The following UBL3 variants were observed in gnomAD, a reference collection of about 807,000 sequenced individuals.
UBL3 encodes the protein ubiquitin-like protein 3.
In UBL3, 6 loss-of-function variants were observed where a neutral mutation model predicts 18.4. The ratio of observed to expected loss-of-function variants is 0.33; its 90% CI spans 0.18 to 0.64. The LOEUF (loss-of-function observed/expected upper bound fraction) is 0.64, where lower values mean the gene tolerates loss of function less well. Ranked by LOEUF, UBL3 falls within the 30% of genes least tolerant of loss-of-function variation. UBL3 has a pLI of 0.76. For missense variants in UBL3, 109 were observed against 142.9 expected (o/e 0.76, Z 1.21); for synonymous variants, 49 against 46.6 (o/e 1.05, Z -0.21).
intron 3 of UBL3, among the ~76,000 whole-genome samples, chr13:29,769,752 T>C (rs1876789497): frequency 1.3e-5 from 2 of 152,112 alleles, no homozygotes; most frequent in African/African-American, 4.8e-5. Context: ...TATATGGCTA[T>C]AAAGGTTCTA....
At chr13:29,768,121 G>A (rs1488280690) in intron 3 of UBL3, among the ~76,000 whole-genome samples, 1 of 152,000 alleles carries the variant, frequency 6.6e-6, no homozygotes, top group Non-Finnish European at 1.5e-5. Flanking sequence ...AGGCTACTAT[G>A]ATGTAGAAAT....
intron 1 of UBL3, among the ~76,000 whole-genome samples, chr13:29,818,906 T>C (rs1265752049): frequency 1.3e-5 from 2 of 152,234 alleles, no homozygotes; most frequent in African/African-American, 4.8e-5. Context: ...CTTTACATGC[T>C]TTATATCTGT....
intron 1 of UBL3, among the ~76,000 whole-genome samples, chr13:29,790,769 T>TA (rs5802531): frequency 0.28 from 42,707 of 152,080 alleles, 6,078 homozygotes; most frequent in East Asian, 0.42. Flanking sequence ...AGTGTTTGGT[T>TA]AAACATCCTT....
chr13:29,842,227 T>G (rs540155136), intron 1 of UBL3, among the ~76,000 whole-genome samples: 1 of 145,720 alleles, frequency 6.9e-6, no homozygotes, highest in Admixed American at 7.0e-5. Flanking sequence ...CTGCAACCTC[T>G]GCTCACTGCA....
intron 1 of UBL3, among the ~76,000 whole-genome samples, chr13:29,814,842 A>ACT (rs1878229149): frequency 6.6e-6 from 1 of 152,174 alleles, no homozygotes; most frequent in Non-Finnish European, 1.5e-5. Context: ...GGCCTTTAGA[A>ACT]AGCTGCCTGG....
intron 1 of UBL3, among the ~76,000 whole-genome samples, chr13:29,842,697 A>G (rs568965056): frequency 3.3e-5 from 5 of 152,316 alleles, no homozygotes; most frequent in African/African-American, 1.2e-4. Flanking sequence ...TACACAACAA[A>G]TATTAGTTCT....
intron 1 of UBL3, among the ~76,000 whole-genome samples, chr13:29,792,084 T>C (rs906663197): frequency 2.0e-5 from 3 of 152,204 alleles, no homozygotes; most frequent in African/African-American, 7.2e-5. Flanking sequence ...AGTTAATTCA[T>C]ATAGTCAACC....
intron 1 of UBL3, among the ~76,000 whole-genome samples, chr13:29,835,159 T>TATATATATAA (rs1878924364): frequency 1.7e-5 from 1 of 57,866 alleles, no homozygotes; most frequent in Non-Finnish European, 2.9e-5. Context: ...TATATATATA[T>TATATATATAA]ATATATATAT....
chr13:29,801,481 G>A (rs1052794376), intron 1 of UBL3, among the ~76,000 whole-genome samples: 32 of 152,156 alleles, frequency 2.1e-4, no homozygotes, highest in Admixed American at 1.7e-3. Context: ...CTCATTATGA[G>A]CCCTCAACCC....
At chr13:29,767,413 T>A in intron 4 of UBL3, 106 bp from the exon 5 acceptor site, 1 of 1,404,328 alleles carries the variant, frequency 7.1e-7, no homozygotes, top group Non-Finnish European at 9.7e-7. Flanking sequence ...TTTTTAAAAA[T>A]GTTTGCATTT....
chr13:29,834,057 C>T (rs1167902873), intron 1 of UBL3, among the ~76,000 whole-genome samples: 2 of 151,912 alleles, frequency 1.3e-5, no homozygotes, highest in Non-Finnish European at 2.9e-5. Flanking sequence ...ACAGGTGGCG[C>T]GTGCCTGTAA....
chr13:29,766,893 A>G lies in UBL3; in HGVS notation c.*362T>C, dbSNP rs4385989. 0.92 allele frequency: 154,870 copies of G among 168,684 alleles called. 71,170 individuals carry two copies. Among genetic ancestry groups the G allele is most frequent in the East Asian group, 0.97 (5,781 of 5,936 alleles). The allele number at this position is 168,684 out of a possible 1,614,324, so 10.4% of individuals were successfully genotyped here. A position where few individuals can be genotyped will look rare whatever the true frequency, so the allele number is the denominator to read the frequency against. The stretch of plus-strand genomic sequence containing the variant: ...GAGGAAAATAATGCCAATCTTTTTA[A>G]TGCAAATTGTATTTGGAACACTTGA... On this transcript the variant is annotated 3_prime_UTR_variant, in exon 5 of 5. Coordinates refer to ENST00000380680, the MANE Select transcript of UBL3 (RefSeq NM_007106.4).
At chr13:29,816,198 T>C (rs1878274056) in intron 1 of UBL3, among the ~76,000 whole-genome samples, 1 of 152,138 alleles carries the variant, frequency 6.6e-6, no homozygotes, top group Non-Finnish European at 1.5e-5. Flanking sequence ...CATATTACAA[T>C]TTTATTATTG....
At chr13:29,823,510 G>A (rs1231957472) in intron 1 of UBL3, among the ~76,000 whole-genome samples, 3 of 152,152 alleles carry the variant, frequency 2.0e-5, no homozygotes, top group Non-Finnish European at 4.4e-5. Context: ...GACAAATTGG[G>A]ACAAGATACA....
Position 29,785,463 on chromosome 13 carries a change from G to C in UBL3, c.28-8200C>G, listed in dbSNP as rs115420383. On this transcript the variant is annotated intron_variant, in intron 1 of 4. Coordinates refer to ENST00000380680, the MANE Select transcript of UBL3 (RefSeq NM_007106.4). ...TAAAAAATAACATCATATTAAAACA[G>C]CTACTTGATCTAGAAGATATAAACC... Among the ~76,000 whole-genome samples, 1,480 of 152,072 alleles carry C rather than the reference G, an allele frequency of 9.7e-3. 26 individuals are homozygous for C. The highest frequency in any genetic ancestry group is 0.035 in the African/African-American group (1,433 of 41,506).
chr13:29,839,637 T>TA (rs953897138), intron 1 of UBL3, among the ~76,000 whole-genome samples: 1 of 152,060 alleles, frequency 6.6e-6, no homozygotes, highest in African/African-American at 2.4e-5. Flanking sequence ...AAAAAGATTT[T>TA]AAAAAATAGG....
At chr13:29,807,864 G>T (rs1877935924) in intron 1 of UBL3, among the ~76,000 whole-genome samples, 1 of 152,146 alleles carries the variant, frequency 6.6e-6, no homozygotes, top group Admixed American at 6.5e-5. Context: ...TAACAATATG[G>T]ATGACTTTTT....
chr13:29,820,418 C>T (rs565446469), intron 1 of UBL3, among the ~76,000 whole-genome samples: 7 of 151,952 alleles, frequency 4.6e-5, no homozygotes, highest in African/African-American at 7.3e-5. Flanking sequence ...TCAGGTGATC[C>T]GCCTGCCTCG....
intron 1 of UBL3, among the ~76,000 whole-genome samples, chr13:29,789,542 T>C (rs960548249): frequency 6.6e-6 from 1 of 152,148 alleles, no homozygotes; most frequent in Non-Finnish European, 1.5e-5. Context: ...AAATGTGTGT[T>C]AAAAAGGCAC....
Sources: gnomAD v4.1 joint callset for allele counts (sites outside exome capture counted in the v4.1 genomes callset) on GRCh38, gnomAD v4.1.1 for gene constraint, MANE v1.5 for transcripts, NCBI Gene and HGNC (gene_info 2026-07-23, HGNC 2026-07-21) for gene names.